The following ATXN3 variants were observed in gnomAD, a reference collection of about 807,000 sequenced individuals.
ATXN3 encodes ataxin 3.
In ATXN3, 28 loss-of-function variants were observed where a neutral mutation model predicts 58.2. The observed-to-expected ratio is 0.48, with a 90% confidence interval of 0.36 to 0.66. ATXN3 has a LOEUF of 0.66. ATXN3 is among the 30% of genes least tolerant of loss of function. The pLI, the probability that ATXN3 is intolerant of heterozygous loss-of-function variation, is 0.00. For missense variants in ATXN3, 321 were observed against 422.1 expected (o/e 0.76, Z 2.10); for synonymous variants, 113 against 138.5 (o/e 0.82, Z 1.29).
At chr14:92,069,955 C>T (rs978001028) in intron 10 of ATXN3, among the ~76,000 whole-genome samples, 3 of 152,100 alleles carry the variant, frequency 2.0e-5, no homozygotes, top group African/African-American at 4.8e-5. Context: ...TCGTGCATTT[C>T]CCTGTGACTA....
chr14:92,049,187 G>A (rs1237224514), intron 1 of ATXN3, among the ~76,000 whole-genome samples: 1 of 152,160 alleles, frequency 6.6e-6, no homozygotes, highest in Non-Finnish European at 1.5e-5. Context: ...GGCTAAGGGA[G>A]TAGAAGGGGG....
chr14:92,094,403 T>C (rs1420238391), intron 3 of ATXN3, among the ~76,000 whole-genome samples: 1 of 152,244 alleles, frequency 6.6e-6, no homozygotes, highest in East Asian at 1.9e-4. Context: ...ATGTATATTC[T>C]ACCCATAAGT....
intron 9 of ATXN3, among the ~76,000 whole-genome samples, chr14:92,071,397 A>G (rs1242333494): frequency 1.3e-5 from 2 of 152,004 alleles, no homozygotes; most frequent in African/African-American, 2.4e-5. Flanking sequence ...GAAGTTTGAC[A>G]CGAGCCTGGA....
chr14:92,055,981 C>A (rs2057463616), downstream of ATXN3, among the ~76,000 whole-genome samples: 1 of 152,130 alleles, frequency 6.6e-6, no homozygotes, highest in Admixed American at 6.6e-5. The surrounding 1 kb of genome is among the most constrained non-coding windows in gnomAD (Gnocchi z 4.5). Context: ...GCAGTTAAAT[C>A]TTCTCTGGGT....
chr14:92,093,120 T>G (rs1049760697), intron 5 of ATXN3, 132 bp downstream of exon 5: 10 of 471,022 alleles, frequency 2.1e-5, no homozygotes, highest in African/African-American at 2.1e-4. Context: ...GGTCTCAAAC[T>G]CCTGGCTTCA....
intron 6 of ATXN3, among the ~76,000 whole-genome samples, chr14:92,085,026 G>A (rs1447669511): frequency 6.6e-6 from 1 of 152,136 alleles, no homozygotes; most frequent in Admixed American, 6.5e-5. Context: ...TCAGAGTTTA[G>A]ACGGTTTAAT....
intron 3 of ATXN3, among the ~76,000 whole-genome samples, chr14:92,095,539 G>C (rs10131594): frequency 5.3e-5 from 8 of 151,684 alleles, no homozygotes; most frequent in Non-Finnish European, 1.0e-4. Flanking sequence ...CACCGCGCCC[G>C]GCCAGAATTA....
downstream of ATXN3, chr14:92,058,493 A>G (rs925571034): frequency 1.3e-5 from 2 of 152,242 alleles, no homozygotes; most frequent in Non-Finnish European, 2.9e-5. Context: ...CACCAAGCCC[A>G]GCTCTAATCA....
chr14:92,058,122 T>C (rs1338576467), downstream of ATXN3, among the ~76,000 whole-genome samples: 1 of 152,232 alleles, frequency 6.6e-6, no homozygotes, highest in East Asian at 1.9e-4. Flanking sequence ...GGCAGTAAGC[T>C]GGAATAGAAT....
chr14:92,085,605 TA>T (rs1348427573), intron 6 of ATXN3, among the ~76,000 whole-genome samples: 1 of 152,186 alleles, frequency 6.6e-6, no homozygotes, highest in East Asian at 1.9e-4. Context: ...TCTGTCGGTA[TA>T]ATATATAGGA....
rs548850926 is a variant in ATXN3 at position 92,106,443 on chromosome 14, C to T, written c.24+86G>A. The T allele has an allele frequency of 8.7e-4, 1,374 of 1,570,352 alleles. 16 individuals are homozygous for T. In the African/African-American group the frequency reaches 0.017, roughly 19 times the overall value. On this transcript the variant is annotated intron_variant, in intron 1 of 10. Coordinates refer to ENST00000644486, the MANE Select transcript of ATXN3 (RefSeq NM_004993.6). ...ATCGGCATGGGGGCGACTCGGGCCC[C>T]ACCCAGCCCTCCGAGAGGCGGTGAT... is the stretch of plus-strand genomic sequence containing the variant.
intron 2 of ATXN3, among the ~76,000 whole-genome samples, chr14:92,045,513 G>A (rs1449178772): frequency 3.3e-5 from 5 of 152,038 alleles, no homozygotes; most frequent in Admixed American, 1.3e-4. Flanking sequence ...TGTGAATAGA[G>A]TCAATTTGCT....
intron 5 of ATXN3, chr14:92,090,267 A>G (rs8008215): frequency 0.45 from 68,450 of 151,810 alleles, 16,660 homozygotes; most frequent in African/African-American, 0.64. Flanking sequence ...GATGCTTGAC[A>G]AATTTTCTAA....
rs549561009 is a variant in ATXN3 at position 92,085,612 on chromosome 14, T to C, written c.476-2354A>G. On this transcript the variant is annotated intron_variant, in intron 6 of 10. Transcript: ENST00000644486. ...TGGGCTGCTCTGTCGGTATAATATATAGGAACCAGAGTACAAGAGTCACCC... is the reference window on the plus strand; with the variant it reads ...TGGGCTGCTCTGTCGGTATAATATACAGGAACCAGAGTACAAGAGTCACCC... 1.1e-4 allele frequency among the ~76,000 whole-genome samples: 16 copies of C among 152,204 alleles called. No individual in the cohort carries two copies. The East Asian group carries it at 2.7e-3, about 26-fold the overall frequency.
intron 9 of ATXN3, among the ~76,000 whole-genome samples, chr14:92,076,076 A>G (rs951791449): frequency 6.6e-6 from 1 of 152,192 alleles, no homozygotes; most frequent in Non-Finnish European, 1.5e-5. Context: ...ACTAAAAAGC[A>G]CTAGTTATTG....
intron 6 of ATXN3, among the ~76,000 whole-genome samples, chr14:92,086,206 G>C (rs542406498): frequency 7.2e-6 from 1 of 139,048 alleles, no homozygotes; most frequent in Admixed American, 7.4e-5. Flanking sequence ...CCAGGAATTC[G>C]AGACCAACCT....
At chr14:92,088,067 T>C (rs1318225412) in intron 6 of ATXN3, among the ~76,000 whole-genome samples, 2 of 152,032 alleles carry the variant, frequency 1.3e-5, no homozygotes, top group Non-Finnish European at 2.9e-5. Flanking sequence ...TTCTTTTTTT[T>C]TTCTTTTCTT....
At position 92,062,797 on chromosome 14, in the gene ATXN3, T is replaced by C. The variant is rs950413647; in HGVS notation, c.*1523A>G. 5.2e-5 allele frequency: 8 copies of C among 152,648 alleles called. No homozygotes were observed. Among genetic ancestry groups the C allele is most frequent in the Non-Finnish European group, 7.3e-5 (5 of 68,038 alleles). 9.5% of individuals were successfully genotyped at this position (152,648 alleles called of 1,614,324 possible). On this transcript the variant is annotated 3_prime_UTR_variant, in exon 11 of 11. Coordinates refer to ENST00000644486, the MANE Select transcript of ATXN3 (RefSeq NM_004993.6). ...TATTTTTTCTTCTCTTTTCAGTTAG[T>C]TAGCAATAAATCCTAGATCAAAAAA...
intron 5 of ATXN3, among the ~76,000 whole-genome samples, chr14:92,092,235 T>C (rs1247141747): frequency 6.6e-6 from 1 of 152,180 alleles, no homozygotes; most frequent in African/African-American, 2.4e-5. Flanking sequence ...AGTATTTTGT[T>C]TGTGGGTTAT....
Sources: gnomAD v4.1 joint callset for allele counts (sites outside exome capture counted in the v4.1 genomes callset) on GRCh38, gnomAD v4.1.1 for gene constraint, Gnocchi (gnomAD v3.1) non-coding constraint, MANE v1.5 for transcripts, NCBI Gene and HGNC (gene_info 2026-07-23, HGNC 2026-07-21) for gene names.